ITFG2: variants seen among roughly 807,000 people sequenced by gnomAD.
ITFG2 encodes the protein integrin alpha FG-GAP repeat containing 2.
In ITFG2, 36 loss-of-function variants were observed where a neutral mutation model predicts 54.4. The ratio of observed to expected loss-of-function variants is 0.66; its 90% confidence interval spans 0.51 to 0.87. ITFG2 has a LOEUF of 0.87. Ranked by LOEUF, ITFG2 falls within the 40% of genes least tolerant of loss-of-function variation. The pLI, the probability that ITFG2 is intolerant of heterozygous loss-of-function variation, is 0.00. For synonymous variants in ITFG2, 211 were observed against 225.4 expected (o/e 0.94, Z 0.57); for missense variants, 524 against 576.7 (o/e 0.91, Z 0.94).
At chr12:2,820,925 G>A (rs889576016) in intron 6 of ITFG2, 53 bp downstream of exon 6, 1 of 1,576,266 alleles carries the variant, frequency 6.3e-7, no homozygotes. Flanking sequence ...AGCAGGATGG[G>A]CTCCCAGATG....
At chr12:2,829,336 G>A (rs534696590), downstream of ITFG2, among the ~76,000 whole-genome samples, 2 of 152,306 alleles carry the variant, frequency 1.3e-5, no homozygotes, top group Admixed American at 6.5e-5. Context: ...CACACACATC[G>A]TTTTCTCATT....
chr12:2,812,833 C>T lies in ITFG2; in HGVS notation c.73C>T (p.Leu25Phe). 1 of 1,612,748 alleles carries T rather than the reference C, an allele frequency of 6.2e-7. No homozygotes were observed. The highest frequency in any genetic ancestry group is 8.5e-7 in the Non-Finnish European group (1 of 1,179,058). ...SGSLFPHAIC[L>F]GDVDNDTLNE... is the part of the protein sequence containing the mutation. The stretch of plus-strand genomic sequence containing the variant: ...GAGCCTCTTCCCGCACGCAATCTGC[C>T]TCGGAGACGTTGATAACGATACGGT... Residue 25 changes from leucine (L) to phenylalanine (F), a missense_variant, in exon 1 of 12, where the codon CTC (leucine) becomes TTC (phenylalanine). By Grantham distance (22) the Leu-to-Phe change is conservative. Coordinates refer to ENST00000228799, the MANE Select transcript of ITFG2 (RefSeq NM_018463.4).
chr12:2,853,706 A>G (rs901520513), intron 2 of ITFG2, among the ~76,000 whole-genome samples: 3 of 150,978 alleles, frequency 2.0e-5, no homozygotes, highest in Admixed American at 6.6e-5. Flanking sequence ...ATTCCTTTTC[A>G]TTGCCTTCCC....
chr12:2,832,508 T>C (rs1031011453), upstream of ITFG2, among the ~76,000 whole-genome samples: 5 of 151,920 alleles, frequency 3.3e-5, no homozygotes, highest in Non-Finnish European at 7.4e-5. Context: ...GAGAGAGAGG[T>C]TGTATCTTAA....
At chr12:2,853,019 A>C (rs918542673) in intron 2 of ITFG2, among the ~76,000 whole-genome samples, 2 of 142,722 alleles carry the variant, frequency 1.4e-5, no homozygotes, top group East Asian at 2.1e-4. Flanking sequence ...GAAACAACAA[A>C]AAAAAACGGG....
intron 2 of ITFG2, among the ~76,000 whole-genome samples, chr12:2,855,628 G>A (rs1053003979): frequency 1.1e-4 from 16 of 152,308 alleles, no homozygotes; most frequent in Admixed American, 7.2e-4. Context: ...AGTTATGGCT[G>A]CTGCGTATCA....
downstream of ITFG2, chr12:2,828,036 CT>C: frequency 6.2e-7 from 1 of 1,613,696 alleles, no homozygotes; most frequent in Non-Finnish European, 8.5e-7. Context: ...TTTTAGGACC[CT>C]TTTCTCTAAC....
At chr12:2,834,673 C>A (rs1455020939), upstream of ITFG2, 1 of 1,610,344 alleles carries the variant, frequency 6.2e-7, no homozygotes. Context: ...CCTCTTGAGG[C>A]TGTCCAGCGG....
upstream of ITFG2, chr12:2,835,360 G>T: frequency 5.6e-6 from 2 of 354,134 alleles, no homozygotes; most frequent in Non-Finnish European, 8.1e-6. Context: ...GGCTTCCCAG[G>T]ACTGCCCAGC....
chr12:2,822,558 T>C (rs561414270), intron 9 of ITFG2, among the ~76,000 whole-genome samples: 1 of 152,324 alleles, frequency 6.6e-6, no homozygotes, highest in South Asian at 2.1e-4. Context: ...ATCCTGATTC[T>C]GCTGCCTCCT....
At chr12:2,858,468 T>C (rs2098096516) in intron 3 of ITFG2, 2 of 601,956 alleles carry the variant, frequency 3.3e-6, no homozygotes, top group Admixed American at 3.0e-5. Context: ...GAACACAAGG[T>C]CCCAGCAGTG....
chr12:2,850,968 G>T (rs2098068648), intron 2 of ITFG2, among the ~76,000 whole-genome samples: 1 of 149,860 alleles, frequency 6.7e-6, no homozygotes, highest in Middle Eastern at 3.5e-3. Flanking sequence ...CAACACACCA[G>T]GCCCAGAGTC....
At chr12:2,854,175 A>G (rs1383264599) in intron 2 of ITFG2, among the ~76,000 whole-genome samples, 1 of 151,918 alleles carries the variant, frequency 6.6e-6, no homozygotes, top group Admixed American at 6.6e-5. Context: ...GCAGGCACCC[A>G]TCACCACACC....
At chr12:2,823,529 T>G (rs1565418088) in intron 10 of ITFG2, among the ~76,000 whole-genome samples, 1 of 152,218 alleles carries the variant, frequency 6.6e-6, no homozygotes, top group Non-Finnish European at 1.5e-5. Flanking sequence ...TAGCACCTTT[T>G]TGGATGCTAT....
downstream of ITFG2, chr12:2,827,919 G>C: frequency 6.2e-7 from 1 of 1,613,948 alleles, no homozygotes; most frequent in Non-Finnish European, 8.5e-7. This position sits in a 1 kb window ranked among gnomAD's most constrained non-coding sequence, Gnocchi z 4.0. Context: ...CAGAAGGGGG[G>C]ACTTACCCAC....
chr12:2,823,849 G>C lies in ITFG2; in HGVS notation c.1146G>C (p.Trp382Cys), dbSNP rs750201962. 1.1e-5 allele frequency: 17 copies of C among 1,612,912 alleles called. No individual in the cohort carries two copies. The highest frequency in any genetic ancestry group is 1.4e-5 in the Non-Finnish European group (17 of 1,179,452). The change falls in exon 11 of 12, where the codon TGG (tryptophan) becomes TGC (cysteine). Residue 382 changes from tryptophan (W) to cysteine (C), a missense_variant. Coordinates refer to ENST00000228799, the MANE Select transcript of ITFG2 (RefSeq NM_018463.4). ...TCAACCAGAAGATCTATGTGTACTG[G>C]GAGGTGCAGCTGGAGCGGATGGAGT... is the stretch of plus-strand genomic sequence containing the variant. ...VTFNQKIYVY[W>C]EVQLERMEST...
chr12:2,856,434 C>T (rs1460656184), intron 2 of ITFG2, among the ~76,000 whole-genome samples: 11 of 152,150 alleles, frequency 7.2e-5, no homozygotes, highest in South Asian at 6.2e-4. Flanking sequence ...GGTGCAATCT[C>T]GGCTCACTGC....
intron 3 of ITFG2, chr12:2,858,908 T>G (rs1373633989): frequency 6.2e-7 from 1 of 1,613,670 alleles, no homozygotes; most frequent in Non-Finnish European, 8.5e-7. Context: ...TGAGGAGCCT[T>G]TGCGGTGATT....
intron 2 of ITFG2, chr12:2,855,468 C>T (rs904463803): frequency 1.4e-6 from 2 of 1,403,112 alleles, no homozygotes; most frequent in East Asian, 2.6e-5. Context: ...CAAAAGGGAG[C>T]CTGGGGAAGG....
Sources: allele counts gnomAD v4.1 joint callset (sites outside exome capture counted in the v4.1 genomes callset), GRCh38; gene constraint gnomAD v4.1.1; non-coding constraint Gnocchi (gnomAD v3.1); transcripts MANE v1.5; gene names NCBI Gene and HGNC (gene_info 2026-07-23, HGNC 2026-07-21).